The following CDH8 variants were observed in gnomAD, a reference collection of about 807,000 sequenced individuals.
CDH8 encodes cadherin-8.
A neutral mutation model predicts 68.1 loss-of-function variants in CDH8; 17 were observed. The ratio of observed to expected loss-of-function variants is 0.25; its 90% CI spans 0.17 to 0.37. The LOEUF is 0.37. CDH8 is among the 10% of genes least tolerant of loss of function. CDH8 has a pLI of 1.00. For missense variants in CDH8, 763 were observed against 999.3 expected, an observed-to-expected ratio of 0.76 and a Z score of 3.19; for synonymous variants, 372 against 365.1, an observed-to-expected ratio of 1.02 and a Z score of -0.21.
At chr16:61,859,377 G>GA (rs1355794674) in intron 3 of CDH8, among the ~76,000 whole-genome samples, 31 of 152,316 alleles carry the variant, frequency 2.0e-4, no homozygotes, top group African/African-American at 7.0e-4. Flanking sequence ...TGACAGGACA[G>GA]AAAAAGTCTG....
At chr16:61,922,600 T>A (rs1252222180) in intron 2 of CDH8, among the ~76,000 whole-genome samples, 6 of 152,204 alleles carry the variant, frequency 3.9e-5, no homozygotes, top group Non-Finnish European at 1.5e-5. Context: ...AAAACTTTTT[T>A]ATGAAAGTTC....
intron 2 of CDH8, among the ~76,000 whole-genome samples, chr16:61,962,820 A>G (rs1290064775): frequency 6.6e-6 from 1 of 152,222 alleles, no homozygotes; most frequent in African/African-American, 2.4e-5. Flanking sequence ...TTAGACATTC[A>G]GTGTACACAT....
chr16:61,736,112 A>AAAGAAAGG (rs776989465), intron 8 of CDH8, among the ~76,000 whole-genome samples: 2,903 of 116,432 alleles, frequency 0.025, 107 homozygotes, highest in East Asian at 0.14. Context: ...AGAAAGAAAG[A>AAAGAAAGG]AAGGAAGGAA....
intron 7 of CDH8, among the ~76,000 whole-genome samples, chr16:61,791,036 A>C (rs1031254122): frequency 1.6e-4 from 24 of 152,002 alleles, no homozygotes; most frequent in Middle Eastern, 3.2e-3. Context: ...ATTTGGAATA[A>C]TAGTTAAAAT....
At chr16:61,788,002 T>G (rs1961274658) in intron 8 of CDH8, among the ~76,000 whole-genome samples, 1 of 147,594 alleles carries the variant, frequency 6.8e-6, no homozygotes, top group Admixed American at 6.8e-5. Flanking sequence ...GACGAGTTAG[T>G]GGGTGTAGCG....
At chr16:61,723,576 A>G (rs1209749030) in intron 9 of CDH8, among the ~76,000 whole-genome samples, 1 of 150,822 alleles carries the variant, frequency 6.6e-6, no homozygotes, top group African/African-American at 2.4e-5. Context: ...AATTTTAATT[A>G]AATGTTTGCC....
chr16:61,691,299 G>T (rs142178515), intron 10 of CDH8, among the ~76,000 whole-genome samples: 122 of 151,918 alleles, frequency 8.0e-4, no homozygotes, highest in African/African-American at 2.7e-3. Flanking sequence ...CTAGGCCATT[G>T]CTGCACTGAT....
chr16:61,655,976 C>T (rs1052078880), intron 10 of CDH8, among the ~76,000 whole-genome samples: 2 of 151,776 alleles, frequency 1.3e-5, no homozygotes, highest in Non-Finnish European at 2.9e-5. Flanking sequence ...GGGTTCACGC[C>T]ATTCTCCTGC....
rs1052316464 is a variant in CDH8, at chr16:61,650,146, C to T, written c.*3462G>A. The T allele has an allele frequency of 6.6e-6, 1 of 151,992 alleles. No individual in the cohort carries two copies. Among genetic ancestry groups the T allele is most frequent in the African/African-American group, 2.4e-5 (1 of 41,376 alleles). The allele number at this position is 151,992 out of a possible 1,614,324, so 9.4% of individuals were successfully genotyped here. A position where few individuals can be genotyped will look rare whatever the true frequency, so the allele number is the denominator to read the frequency against. On this transcript the variant is annotated 3_prime_UTR_variant, in exon 12 of 12. Transcript: ENST00000577390. ...TTTAAAAATAGCATATTTTAGTCAT[C>T]GTATTATAAATGTTTAGAAACTTAT... is the stretch of plus-strand genomic sequence containing the variant.
chr16:61,990,784 C>T (rs1965702109), intron 2 of CDH8, among the ~76,000 whole-genome samples: 1 of 151,216 alleles, frequency 6.6e-6, no homozygotes, highest in Non-Finnish European at 1.5e-5. Flanking sequence ...TGATCATGCC[C>T]CTGTACTCCA....
At chr16:61,996,473 CTCA>C (rs1326173410) in intron 2 of CDH8, among the ~76,000 whole-genome samples, 1 of 152,114 alleles carries the variant, frequency 6.6e-6, no homozygotes, top group Non-Finnish European at 1.5e-5. Flanking sequence ...TTTAAAGGTG[CTCA>C]TCAACAATAG....
chr16:61,817,793 G>T (rs1398601602), intron 6 of CDH8, 61 bp from the exon 7 acceptor site: 7 of 1,487,422 alleles, frequency 4.7e-6, no homozygotes, highest in Non-Finnish European at 6.3e-6. Flanking sequence ...AAGAACAAAT[G>T]AGTATAATGC....
chr16:61,914,055 G>T (rs1177161813), intron 2 of CDH8, among the ~76,000 whole-genome samples: 2 of 152,106 alleles, frequency 1.3e-5, no homozygotes, highest in African/African-American at 4.8e-5. Context: ...ATAAGAAGAG[G>T]TAATTTGGAC....
chr16:62,034,744 A>T (rs1409238441), intron 1 of CDH8, among the ~76,000 whole-genome samples: 2 of 152,124 alleles, frequency 1.3e-5, no homozygotes, highest in Non-Finnish European at 1.5e-5. Flanking sequence ...AGGGTGGTAA[A>T]GTTGAAAGGA....
chr16:61,962,220 C>G (rs1275011930), intron 2 of CDH8, among the ~76,000 whole-genome samples: 1 of 152,130 alleles, frequency 6.6e-6, no homozygotes, highest in Admixed American at 6.6e-5. Flanking sequence ...AGAAGAAAAT[C>G]TATGTACCAG....
At chr16:62,035,135 G>A (rs2150626586) in intron 1 of CDH8, 1 of 152,416 alleles carries the variant, frequency 6.6e-6, no homozygotes, top group African/African-American at 2.4e-5. Flanking sequence ...TCCCAGCCTT[G>A]GCTGGATCCT....
intron 8 of CDH8, among the ~76,000 whole-genome samples, chr16:61,765,184 G>A (rs1223467170): frequency 6.6e-6 from 1 of 151,954 alleles, no homozygotes; most frequent in African/African-American, 2.4e-5. Flanking sequence ...GGTCTTCACT[G>A]TTTAAATTAA....
chr16:62,016,980 A>C (rs1267005784), intron 2 of CDH8, among the ~76,000 whole-genome samples: 1 of 152,228 alleles, frequency 6.6e-6, no homozygotes, highest in Non-Finnish European at 1.5e-5. Flanking sequence ...ACATAAAAAA[A>C]ATTGTTAACT....
At chr16:61,923,740 C>CATCACATGTATATATATTTAAATATATAT (rs1964412202) in intron 2 of CDH8, among the ~76,000 whole-genome samples, 1 of 142,308 alleles carries the variant, frequency 7.0e-6, no homozygotes, top group Non-Finnish European at 1.5e-5. Context: ...TATATATATA[C>CATCACATGTATATATATTTAAATATATAT]ATCACATGTA....
Sources: allele counts gnomAD v4.1 joint callset (sites outside exome capture counted in the v4.1 genomes callset), GRCh38; gene constraint gnomAD v4.1.1; transcripts MANE v1.5; gene names NCBI Gene and HGNC (gene_info 2026-07-23, HGNC 2026-07-21).